Variants in MRPS25 observed in about 807,000 individuals in gnomAD.
MRPS25 encodes small ribosomal subunit protein mS25.
MRPS25 carries 15 observed loss-of-function variants against 17.3 expected under a neutral mutation model. The ratio of observed to expected loss-of-function variants is 0.87; its 90% CI spans 0.58 to 1.34. MRPS25 has a LOEUF of 1.34. Among genes scored for constraint, MRPS25 ranks in the 40% most tolerant of loss-of-function variants. The pLI is 0.00. For missense variants in MRPS25, 225 were observed against 218.6 expected (o/e 1.03, Z -0.19); for synonymous variants, 94 against 83.3 (o/e 1.13, Z -0.70).
At chr3:15,059,601 G>C (rs988415641) in intron 1 of MRPS25, 126 bp from the exon 2 acceptor site, 1 of 692,606 alleles carries the variant, frequency 1.4e-6, no homozygotes, top group African/African-American at 1.8e-5. Context: ...AAAAGGCTGA[G>C]AAAAAACTCG....
intron 1 of MRPS25, among the ~76,000 whole-genome samples, chr3:15,062,526 T>A (rs1431441105): frequency 6.7e-6 from 1 of 150,258 alleles, no homozygotes; most frequent in Non-Finnish European, 1.5e-5. Flanking sequence ...TACTGGGAAG[T>A]GAGGAGCCCC....
Position 15,051,207 on chromosome 3 carries a change from A to G in MRPS25, c.*1234T>C. Reference sequence around the variant, plus strand: ...TATTTAAAAAATTTTTTTTCTTGAGACAGTCTTGCTCTGTGGCCCAGGCTG... The same window carrying G: ...TATTTAAAAAATTTTTTTTCTTGAGGCAGTCTTGCTCTGTGGCCCAGGCTG... On this transcript the variant is annotated 3_prime_UTR_variant, in exon 4 of 4. Transcript: ENST00000253686. The G allele has an allele frequency of 1.0e-6, 1 of 979,808 alleles. No homozygotes were observed. The highest frequency in any genetic ancestry group is 1.2e-6 in the Non-Finnish European group (1 of 824,932). The allele number at this position is 979,808 out of a possible 1,614,324, so 60.7% of individuals were successfully genotyped here. A position where few individuals can be genotyped will look rare whatever the true frequency, so the allele number is the denominator to read the frequency against.
At position 15,064,810 on chromosome 3, in the gene MRPS25, G is replaced by A. The variant is rs184271346; in HGVS notation, c.134+251C>T. ...TCGGGTCAGCCTCGCCCACCGCGCC[G>A]GAGGAAGGAGATCCAGGAGTGGGGT... On this transcript the variant is annotated intron_variant, in intron 1 of 3. Transcript: ENST00000253686. Among the ~76,000 whole-genome samples the A allele has an allele frequency of 7.0e-4, 107 of 152,340 alleles. 1 individual carries two copies. The highest frequency in any genetic ancestry group is 2.5e-3 in the African/African-American group (103 of 41,586).
chr3:15,057,738 G>A lies in MRPS25; in HGVS notation c.241+1631C>T, dbSNP rs116480904. Among the ~76,000 whole-genome samples the A allele has an allele frequency of 1.4e-3, 214 of 152,328 alleles. 1 individual carries two copies. Among genetic ancestry groups the A allele is most frequent in the Non-Finnish European group, 2.6e-3 (180 of 68,040 alleles). ...ACGGCCAGTACCCATCCAGTTGCAC[G>A]TGCTACTTGGGTGTGCCATTACCAG... On this transcript the variant is annotated intron_variant, in intron 2 of 3. Transcript: ENST00000253686.
At chr3:15,043,159 G>C (rs2042331112), downstream of MRPS25, 1 of 570,152 alleles carries the variant, frequency 1.8e-6, no homozygotes, top group Non-Finnish European at 2.8e-6. Context: ...CCAGACAATA[G>C]CAATTAAAAG....
At chr3:15,059,497 G>T in intron 1 of MRPS25, 22 bp from the exon 2 acceptor site, 1 of 1,532,488 alleles carries the variant, frequency 6.5e-7, no homozygotes, top group Non-Finnish European at 9.0e-7. Context: ...AAGAAATGAA[G>T]CCTATGAAAC....
rs2042584063 is a variant in MRPS25, at chr3:15,050,217, A to C, written c.*2224T>G. 1 of 1,166,530 alleles carries C rather than the reference A, an allele frequency of 8.6e-7. No homozygotes were observed. Among genetic ancestry groups the C allele is most frequent in the African/African-American group, 1.7e-5 (1 of 59,896 alleles). The allele number at this position is 1,166,530 out of a possible 1,614,324, so 72.3% of individuals were successfully genotyped here. A position where few individuals can be genotyped will look rare whatever the true frequency, so the allele number is the denominator to read the frequency against. On this transcript the variant is annotated 3_prime_UTR_variant, in exon 4 of 4. Transcript: ENST00000253686. Reference sequence around the variant, plus strand: ...ATCTGCTGCCTGTGAAGCTGGCCACACAGGCAGTAACTGCACCACAGGACT... The same window carrying C: ...ATCTGCTGCCTGTGAAGCTGGCCACCCAGGCAGTAACTGCACCACAGGACT...
chr3:15,045,904 A>T (rs1218074473), downstream of MRPS25: 6 of 152,256 alleles, frequency 3.9e-5, no homozygotes, highest in African/African-American at 1.4e-4. Context: ...GGACAGACAC[A>T]TGCTGTCATC....
chr3:15,059,307 G>T, intron 2 of MRPS25, 62 bp downstream of exon 2: 2 of 1,133,422 alleles, frequency 1.8e-6, no homozygotes, highest in South Asian at 1.3e-5. Flanking sequence ...CCCATAGGAA[G>T]GACGCAGTCT....
At chr3:15,064,798 G>A (rs1338022804) in intron 1 of MRPS25, among the ~76,000 whole-genome samples, 1 of 152,198 alleles carries the variant, frequency 6.6e-6, no homozygotes, top group East Asian at 1.9e-4. Context: ...GGTCAGCCTC[G>A]CCCACCGCGC....
At chr3:15,055,369 AATG>A (rs1382785366) in intron 2 of MRPS25, among the ~76,000 whole-genome samples, 1 of 152,226 alleles carries the variant, frequency 6.6e-6, no homozygotes, top group Non-Finnish European at 1.5e-5. Context: ...AAGCATACGA[AATG>A]ATGAGATCTC....
chr3:15,058,259 G>C (rs1007626392), intron 2 of MRPS25, among the ~76,000 whole-genome samples: 1 of 151,780 alleles, frequency 6.6e-6, no homozygotes, highest in African/African-American at 2.4e-5. Flanking sequence ...GCGCGATCTC[G>C]GCTCACTGCA....
At position 15,051,242 on chromosome 3, in the gene MRPS25, A is replaced by G. The variant is rs1239727884; in HGVS notation, c.*1199T>C. The G allele has an allele frequency of 1.1e-6, 1 of 930,762 alleles. No homozygotes were observed. Among genetic ancestry groups the G allele is most frequent in the Non-Finnish European group, 1.3e-6 (1 of 780,270 alleles). The allele number at this position is 930,762 out of a possible 1,614,324, so 57.7% of individuals were successfully genotyped here. On this transcript the variant is annotated 3_prime_UTR_variant, in exon 4 of 4. Transcript: ENST00000253686. ...TCTGTGGCCCAGGCTGGAGTGCAGT[A>G]GCGCACGATCATGATTCACTGCAGC...
Position 15,049,716 on chromosome 3 carries a change from T to A in MRPS25, c.*2725A>T, listed in dbSNP as rs1347704005. The A allele has an allele frequency of 1.7e-6, 1 of 580,172 alleles. No individual in the cohort carries two copies. The highest frequency in any genetic ancestry group is 3.0e-6 in the Non-Finnish European group (1 of 334,408). The allele number at this position is 580,172 out of a possible 1,614,324, so 35.9% of individuals were successfully genotyped here. On this transcript the variant is annotated 3_prime_UTR_variant, in exon 4 of 4. Transcript: ENST00000253686. ...TCATTATGTCATCTGACCTCTCATGTTCCAGGTGAAAATTCTGAGGTCCAA... is the reference window on the plus strand; with the variant it reads ...TCATTATGTCATCTGACCTCTCATGATCCAGGTGAAAATTCTGAGGTCCAA...
intron 2 of MRPS25, among the ~76,000 whole-genome samples, chr3:15,054,887 A>G (rs996322791): frequency 2.6e-5 from 4 of 152,234 alleles, no homozygotes; most frequent in Non-Finnish European, 4.4e-5. Flanking sequence ...TGAATATATT[A>G]GTTCATTCTC....
intron 2 of MRPS25, among the ~76,000 whole-genome samples, chr3:15,053,868 C>G (rs1559327291): frequency 1.3e-5 from 2 of 152,142 alleles, no homozygotes; most frequent in Non-Finnish European, 2.9e-5. Context: ...AGAGCCAAAA[C>G]AATTCTAAAA....
chr3:15,051,007 T>C lies in MRPS25; in HGVS notation c.*1434A>G, dbSNP rs1432564520. On this transcript the variant is annotated 3_prime_UTR_variant, in exon 4 of 4. Coordinates refer to ENST00000253686, the MANE Select transcript of MRPS25 (RefSeq NM_022497.5). The stretch of plus-strand genomic sequence containing the variant: ...ACAGACCTGGAAAGCTTTTAGGACT[T>C]GACCAAGGCCCCAGCAGGTAGAGGA... 1.0e-6 allele frequency: 1 copy of C among 984,148 alleles called. No individual in the cohort carries two copies. The highest frequency in any genetic ancestry group is 1.2e-6 in the Non-Finnish European group (1 of 828,778). The allele number at this position is 984,148 out of a possible 1,614,324, so 61.0% of individuals were successfully genotyped here.
intron 1 of MRPS25, among the ~76,000 whole-genome samples, chr3:15,063,369 C>T (rs1007501471): frequency 3.3e-5 from 5 of 152,176 alleles, no homozygotes; most frequent in Non-Finnish European, 5.9e-5. Flanking sequence ...TTGCCCCCAG[C>T]AGGTACCCAA....
chr3:15,050,334 C>G lies in MRPS25; in HGVS notation c.*2107G>C, dbSNP rs190748101. The stretch of plus-strand genomic sequence containing the variant: ...AAGCCTGAACTCAAACCCTAGTTAT[C>G]TGTCCCATTAGGGACCAGACATTTA... On this transcript the variant is annotated 3_prime_UTR_variant, in exon 4 of 4. Coordinates refer to ENST00000253686, the MANE Select transcript of MRPS25 (RefSeq NM_022497.5). 82 of 1,075,008 alleles carry G rather than the reference C, an allele frequency of 7.6e-5. No homozygotes were observed. In the African/African-American group the frequency reaches 1.1e-3, roughly 14 times the overall value. 66.6% of individuals were successfully genotyped at this position (1,075,008 alleles called of 1,614,324 possible).
Sources: gnomAD v4.1 joint callset for allele counts (sites outside exome capture counted in the v4.1 genomes callset) on GRCh38, gnomAD v4.1.1 for gene constraint, MANE v1.5 for transcripts, NCBI Gene and HGNC (gene_info 2026-07-23, HGNC 2026-07-21) for gene names.